The following PHF14 variants were observed in gnomAD, a reference collection of about 807,000 sequenced individuals.
The protein encoded by PHF14 is PHD finger protein 14.
In PHF14, 55 loss-of-function variants were observed where a neutral mutation model predicts 117.9. The ratio of observed to expected loss-of-function variants is 0.47; its 90% CI spans 0.38 to 0.58. The LOEUF is 0.58. Ranked by LOEUF, PHF14 falls within the 20% of genes least tolerant of loss-of-function variation. The pLI is 0.00. For missense variants in PHF14, 978 were observed against 1,122.2 expected (o/e 0.87, Z 1.84); for synonymous variants, 409 against 368.6 (o/e 1.11, Z -1.26).
chr7:11,029,601 G>A (rs536827087), intron 7 of PHF14, among the ~76,000 whole-genome samples: 15 of 152,090 alleles, frequency 9.9e-5, no homozygotes, highest in Middle Eastern at 3.4e-3. Context: ...GTATACTTCG[G>A]TAATGGACCC....
At chr7:11,059,870 A>G (rs1049824715) in intron 14 of PHF14, among the ~76,000 whole-genome samples, 2 of 152,084 alleles carry the variant, frequency 1.3e-5, no homozygotes, top group Admixed American at 6.6e-5. Flanking sequence ...TCAAATTTTT[A>G]TTTTATTTTA....
intron 12 of PHF14, among the ~76,000 whole-genome samples, chr7:11,041,102 T>C (rs1236604541): frequency 1.3e-5 from 2 of 151,380 alleles, no homozygotes; most frequent in African/African-American, 4.9e-5. Flanking sequence ...TTGAATGAAT[T>C]GTAGAGTTTG....
chr7:11,006,368 A>G (rs772961015), intron 4 of PHF14: 2 of 489,836 alleles, frequency 4.1e-6, no homozygotes, highest in South Asian at 1.5e-5. Context: ...AAACATACAC[A>G]TATATTTAGA....
chr7:11,058,244 G>A (rs950207003), intron 14 of PHF14, among the ~76,000 whole-genome samples: 6 of 152,072 alleles, frequency 3.9e-5, no homozygotes, highest in Middle Eastern at 3.4e-3. Context: ...ACTTATTTTC[G>A]TTTTTCTTGC....
intron 16 of PHF14, chr7:11,071,210 C>T (rs1406358186): frequency 2.0e-6 from 1 of 511,874 alleles, no homozygotes; most frequent in African/African-American, 1.9e-5. Context: ...AGGCTGTAAC[C>T]TCTCTGAAGC....
At position 10,974,306 on chromosome 7, in the gene PHF14, C is replaced by T; in HGVS notation, c.-18C>T. 1 of 1,588,538 alleles carries T rather than the reference C, an allele frequency of 6.3e-7. No individual in the cohort carries two copies. The highest frequency in any genetic ancestry group is 8.6e-7 in the Non-Finnish European group (1 of 1,166,634). On this transcript the variant is annotated 5_prime_UTR_variant, in exon 1 of 18. Transcript: ENST00000634607. ...CTCTCCCTAAGTCTTCTCCAAACGA[C>T]CACCTCACGGATTCCTTAGTAAGTG...
In PHF14 at chr7:11,063,361, C is replaced by T. The variant is rs567724002; in HGVS notation, c.2654+1276C>T. 2.8e-5 allele frequency: 28 copies of T among 982,820 alleles called. No individual in the cohort carries two copies. The Admixed American group carries it at 6.2e-4, about 22-fold the overall frequency. The allele number at this position is 982,820 out of a possible 1,614,324, so 60.9% of individuals were successfully genotyped here. ...CCACAGTATAAATTTTGCAATATGT[C>T]GAAAATGAAATCCCAAGCATAAGCG... On this transcript the variant is annotated intron_variant, in intron 16 of 17. Transcript: ENST00000634607.
chr7:11,073,607 G>A (rs1231193246), intron 16 of PHF14, among the ~76,000 whole-genome samples: 2 of 152,170 alleles, frequency 1.3e-5, no homozygotes, highest in African/African-American at 2.4e-5. Flanking sequence ...ACCATTCTAA[G>A]GTCTGGAAGG....
chr7:11,140,392 C>T (rs962608308), intron 17 of PHF14, among the ~76,000 whole-genome samples: 1 of 152,032 alleles, frequency 6.6e-6, no homozygotes, highest in African/African-American at 2.4e-5. Flanking sequence ...GTGCACTGGC[C>T]ATTATAGTAC....
At chr7:11,027,510 C>G (rs1783966458) in intron 6 of PHF14, among the ~76,000 whole-genome samples, 1 of 151,948 alleles carries the variant, frequency 6.6e-6, no homozygotes, top group African/African-American at 2.4e-5. Context: ...TTTAGACTAG[C>G]TAATTCCCCC....
At chr7:10,994,728 G>T (rs1305801236) in intron 4 of PHF14, among the ~76,000 whole-genome samples, 1 of 152,076 alleles carries the variant, frequency 6.6e-6, no homozygotes, top group African/African-American at 2.4e-5. Context: ...CTGATGTTCG[G>T]ATGTGTTCGG....
At chr7:11,009,286 T>A (rs1315463406) in intron 4 of PHF14, among the ~76,000 whole-genome samples, 6 of 152,190 alleles carry the variant, frequency 3.9e-5, no homozygotes, top group Non-Finnish European at 8.8e-5. Flanking sequence ...CACTGGCCCC[T>A]GTGTGAAAAG....
chr7:11,128,259 A>G (rs554974947), intron 17 of PHF14, among the ~76,000 whole-genome samples: 4 of 152,180 alleles, frequency 2.6e-5, no homozygotes, highest in African/African-American at 9.6e-5. Context: ...ACATGCATCA[A>G]GGCTTCAGTT....
chr7:11,122,352 T>TATACACACACACACACAC, intron 17 of PHF14, among the ~76,000 whole-genome samples: 1 of 65,876 alleles, frequency 1.5e-5, no homozygotes, highest in East Asian at 5.9e-4. Context: ...TATATATATA[T>TATACACACACACACACAC]ACACACACAC....
At chr7:11,150,405 G>A (rs1479565442) in intron 17 of PHF14, among the ~76,000 whole-genome samples, 1 of 152,090 alleles carries the variant, frequency 6.6e-6, no homozygotes, top group African/African-American at 2.4e-5. Context: ...CCTTTCAAGT[G>A]TATAATTTTC....
chr7:11,168,525 G>A (rs1789277277), intron 17 of PHF14, among the ~76,000 whole-genome samples: 1 of 151,936 alleles, frequency 6.6e-6, no homozygotes, highest in Non-Finnish European at 1.5e-5. Context: ...GAGATAGAGT[G>A]GTATGTTTGA....
intron 4 of PHF14, among the ~76,000 whole-genome samples, chr7:10,995,137 G>A (rs1221484024): frequency 3.3e-5 from 5 of 152,168 alleles, no homozygotes; most frequent in Non-Finnish European, 5.9e-5. Flanking sequence ...GTGCAGATTG[G>A]TGTGTTACAA....
rs538674004 is a variant in PHF14, at chr7:10,974,137, G to T, written c.-187G>T. Reference sequence around the variant, plus strand: ...GAGCGGCCAGGGCCAGGCGAGGCCGGGGGGGCGGGGGGTTAGGGGACCGCG... The same window carrying T: ...GAGCGGCCAGGGCCAGGCGAGGCCGTGGGGGCGGGGGGTTAGGGGACCGCG... On this transcript the variant is annotated 5_prime_UTR_variant, in exon 1 of 18. Coordinates refer to ENST00000634607, the MANE Select transcript of PHF14 (RefSeq NM_001007157.2). The T allele has an allele frequency of 8.3e-6, 5 of 600,040 alleles. No individual in the cohort carries two copies. The highest frequency in any genetic ancestry group is 1.9e-5 in the South Asian group (1 of 52,988). 37.2% of individuals were successfully genotyped at this position (600,040 alleles called of 1,614,324 possible).
chr7:11,013,918 A>G lies in PHF14; in HGVS notation c.1205+12A>G. 1.9e-6 allele frequency: 3 copies of G among 1,574,366 alleles called. No individual in the cohort carries two copies. In the South Asian group the frequency reaches 3.5e-5, roughly 18 times the overall value. ...ACAGATGCTGGAAGGTTAATGTCCT[A>G]ATTATGTTGGTTCATATGTTTGCTT... On this transcript the variant is annotated intron_variant, in intron 5 of 17. Coordinates refer to ENST00000634607, the MANE Select transcript of PHF14 (RefSeq NM_001007157.2).
Sources: gnomAD v4.1 joint callset for allele counts (sites outside exome capture counted in the v4.1 genomes callset) on GRCh38, gnomAD v4.1.1 for gene constraint, MANE v1.5 for transcripts, NCBI Gene and HGNC (gene_info 2026-07-23, HGNC 2026-07-21) for gene names.